Variants in WDR70 observed in about 807,000 individuals in gnomAD.
WDR70 encodes the protein WD repeat-containing protein 70.
In WDR70, 53 loss-of-function variants were observed where a neutral mutation model predicts 88.6. The observed-to-expected ratio is 0.60, with a 90% CI of 0.48 to 0.75. The LOEUF (loss-of-function observed/expected upper bound fraction) is 0.75. WDR70 is among the 30% of genes least tolerant of loss of function. The pLI, the probability that WDR70 is intolerant of heterozygous loss-of-function variation, is 0.00. For missense variants in WDR70, 610 were observed against 823.2 expected (o/e 0.74, Z 3.17); for synonymous variants, 280 against 270.0 (o/e 1.04, Z -0.36).
At chr5:37,558,888 C>G (rs1204995875) in intron 9 of WDR70, among the ~76,000 whole-genome samples, 1 of 151,766 alleles carries the variant, frequency 6.6e-6, no homozygotes, top group African/African-American at 2.4e-5. Context: ...TTTTTCTTAC[C>G]CTGATACTTA....
chr5:37,473,910 T>C (rs1409254154), intron 7 of WDR70, among the ~76,000 whole-genome samples: 1 of 152,220 alleles, frequency 6.6e-6, no homozygotes, highest in East Asian at 1.9e-4. Context: ...TTTGGAAACA[T>C]ATGTTTAGAT....
chr5:37,558,439 C>T lies in WDR70; in HGVS notation c.917+41849C>T, dbSNP rs991882357. On this transcript the variant is annotated intron_variant, in intron 9 of 17. Coordinates refer to ENST00000265107, the MANE Select transcript of WDR70 (RefSeq NM_018034.4). ...GCTCAAGTGATTCTCCCACTTGGGC[C>T]TCTCAGGTAGCTGGGACTATAGGTG... is the stretch of plus-strand genomic sequence containing the variant. Among the ~76,000 whole-genome samples, 6 of 152,050 alleles carry T rather than the reference C, an allele frequency of 3.9e-5. 1 individual carries two copies. The highest frequency in any genetic ancestry group is 6.8e-3 in the Middle Eastern group (2 of 294).
chr5:37,722,607 TCCTGTTGC>T, intron 14 of WDR70: 1 of 478,952 alleles, frequency 2.1e-6, no homozygotes, highest in Non-Finnish European at 3.8e-6. Flanking sequence ...TAAACTTGTG[TCCTGTTGC>T]CCTGTTACCT....
chr5:37,429,757 G>T (rs1241988980), intron 5 of WDR70, among the ~76,000 whole-genome samples: 1 of 152,098 alleles, frequency 6.6e-6, no homozygotes, highest in Non-Finnish European at 1.5e-5. Flanking sequence ...AGTTACTATA[G>T]CTCTATACAT....
chr5:37,524,652 G>C (rs1470960192), intron 9 of WDR70, among the ~76,000 whole-genome samples: 1 of 152,146 alleles, frequency 6.6e-6, no homozygotes, highest in African/African-American at 2.4e-5. Context: ...AAATGTAAAT[G>C]GGCTAAATGC....
chr5:37,450,845 G>GTGTGTGTGTCTGTGTC (rs1738655990), intron 7 of WDR70, among the ~76,000 whole-genome samples: 1 of 152,122 alleles, frequency 6.6e-6, no homozygotes, highest in Non-Finnish European at 1.5e-5. Context: ...ATTTATGTGT[G>GTGTGTGTGTCTGTGTC]TGTGTGTGTC....
intron 9 of WDR70, among the ~76,000 whole-genome samples, chr5:37,587,828 G>T (rs1015435784): frequency 6.8e-6 from 1 of 146,832 alleles, no homozygotes; most frequent in Non-Finnish European, 1.5e-5. Context: ...CGCCCAGGCT[G>T]GAGTGCAGTG....
At chr5:37,673,731 T>C (rs1746105002) in intron 10 of WDR70, among the ~76,000 whole-genome samples, 2 of 151,994 alleles carry the variant, frequency 1.3e-5, no homozygotes, top group Non-Finnish European at 2.9e-5. Context: ...CTAAGTCCAG[T>C]GTTCATTAGC....
intron 10 of WDR70, among the ~76,000 whole-genome samples, chr5:37,676,043 A>C (rs538886481): frequency 6.9e-6 from 1 of 145,890 alleles, no homozygotes; most frequent in South Asian, 2.3e-4. Flanking sequence ...TTTGTCTGTT[A>C]TTGGTGTATA....
chr5:37,678,072 T>C (rs1373107575), intron 10 of WDR70, among the ~76,000 whole-genome samples: 1 of 152,182 alleles, frequency 6.6e-6, no homozygotes, highest in African/African-American at 2.4e-5. Flanking sequence ...TTTTTTGTTT[T>C]CCATTTGCTT....
intron 10 of WDR70, among the ~76,000 whole-genome samples, chr5:37,642,234 C>T (rs2112544034): frequency 6.6e-6 from 1 of 152,214 alleles, no homozygotes; most frequent in African/African-American, 2.4e-5. Flanking sequence ...CTCTTCTGCT[C>T]CCTTCTATAT....
chr5:37,648,347 CACCAT>C (rs1745298071), intron 10 of WDR70, among the ~76,000 whole-genome samples: 1 of 152,104 alleles, frequency 6.6e-6, no homozygotes. Flanking sequence ...TCCTGAAAGA[CACCAT>C]ACCATGTCTT....
At chr5:37,399,641 T>A (rs1321693249) in intron 5 of WDR70, among the ~76,000 whole-genome samples, 1 of 152,212 alleles carries the variant, frequency 6.6e-6, no homozygotes, top group Non-Finnish European at 1.5e-5. Flanking sequence ...TCTTTTGTTT[T>A]TTCTTTTGGC....
chr5:37,416,208 C>A (rs1749742512), intron 5 of WDR70, among the ~76,000 whole-genome samples: 1 of 152,210 alleles, frequency 6.6e-6, no homozygotes, highest in Admixed American at 6.5e-5. Context: ...CACTGCACTC[C>A]AGCCTGGGCA....
chr5:37,749,272 A>G (rs1046549061), intron 17 of WDR70, among the ~76,000 whole-genome samples: 1 of 152,356 alleles, frequency 6.6e-6, no homozygotes. Flanking sequence ...CTATACAGTC[A>G]TAAAAAGGAA....
chr5:37,550,912 C>T (rs1221174129), intron 9 of WDR70, among the ~76,000 whole-genome samples: 2 of 152,052 alleles, frequency 1.3e-5, no homozygotes. Flanking sequence ...TTTGAGGTTA[C>T]TATGAGGCTT....
intron 8 of WDR70, among the ~76,000 whole-genome samples, chr5:37,485,415 C>A (rs1561870908): frequency 6.6e-6 from 1 of 152,120 alleles, no homozygotes; most frequent in African/African-American, 2.4e-5. Context: ...AGCTCTCATA[C>A]AATAGTCAGG....
chr5:37,587,608 G>A (rs1477662556), intron 9 of WDR70, among the ~76,000 whole-genome samples: 1 of 151,910 alleles, frequency 6.6e-6, no homozygotes, highest in Non-Finnish European at 1.5e-5. Context: ...TCCCCATTAG[G>A]TTATGCATTT....
intron 8 of WDR70, among the ~76,000 whole-genome samples, chr5:37,491,929 G>T (rs986128113): frequency 5.9e-5 from 9 of 151,960 alleles, no homozygotes; most frequent in African/African-American, 1.9e-4. Flanking sequence ...TCTTAACATT[G>T]GTTTCTGCGC....
Sources: allele counts gnomAD v4.1 joint callset (sites outside exome capture counted in the v4.1 genomes callset), GRCh38; gene constraint gnomAD v4.1.1; transcripts MANE v1.5; gene names NCBI Gene and HGNC (gene_info 2026-07-23, HGNC 2026-07-21).